Variants in SMYD3 observed in about 807,000 individuals in gnomAD.
SMYD3 encodes SET and MYND domain containing 3.
SMYD3 carries 36 observed loss-of-function variants against 57.7 expected under a neutral mutation model. The ratio of observed to expected loss-of-function variants is 0.62; its 90% CI spans 0.48 to 0.82. The LOEUF is 0.82. Ranked by LOEUF, SMYD3 falls within the 40% of genes least tolerant of loss-of-function variation. The pLI, the probability that SMYD3 is intolerant of heterozygous loss-of-function variation, is 0.00. For missense variants in SMYD3, 515 were observed against 538.8 expected, an observed-to-expected ratio of 0.96 and a Z score of 0.44; for synonymous variants, 211 against 195.0, an observed-to-expected ratio of 1.08 and a Z score of -0.68.
chr1:246,109,950 G>A (rs1255968892), intron 5 of SMYD3: 6 of 152,200 alleles, frequency 3.9e-5, no homozygotes, highest in Non-Finnish European at 8.8e-5. Context: ...TAGGAAGGCA[G>A]AATTATTTGA....
At chr1:246,305,727 G>A (rs954159488) in intron 5 of SMYD3, among the ~76,000 whole-genome samples, 9 of 151,900 alleles carry the variant, frequency 5.9e-5, no homozygotes, top group African/African-American at 2.2e-4. Flanking sequence ...CTAACATGAA[G>A]GAATAAAAAA....
chr1:246,341,004 A>G (rs2065625533), intron 2 of SMYD3, among the ~76,000 whole-genome samples: 1 of 152,170 alleles, frequency 6.6e-6, no homozygotes, highest in African/African-American at 2.4e-5. Context: ...GGAAAAAAAA[A>G]AGAATGCTCA....
chr1:246,109,347 G>C (rs538615123), intron 5 of SMYD3, among the ~76,000 whole-genome samples: 8 of 152,232 alleles, frequency 5.3e-5, no homozygotes, highest in Non-Finnish European at 8.8e-5. Flanking sequence ...CATATAACTG[G>C]ACCAGCTTAC....
intron 5 of SMYD3, among the ~76,000 whole-genome samples, chr1:246,301,245 G>A (rs547173000): frequency 6.6e-6 from 1 of 152,216 alleles, no homozygotes; most frequent in East Asian, 1.9e-4. Context: ...CTAGTCCCCA[G>A]GACACTTCCA....
At chr1:246,433,960 T>C (rs149179768) in intron 1 of SMYD3, among the ~76,000 whole-genome samples, 1 of 152,124 alleles carries the variant, frequency 6.6e-6, no homozygotes, top group East Asian at 1.9e-4. Flanking sequence ...AACCCAGAAA[T>C]AAAGCTGCAC....
intron 8 of SMYD3, among the ~76,000 whole-genome samples, chr1:245,901,735 C>T (rs2054195515): frequency 6.6e-6 from 1 of 152,190 alleles, no homozygotes; most frequent in Non-Finnish European, 1.5e-5. Flanking sequence ...ACAAAAGGGA[C>T]AGGGACTCTC....
At chr1:246,141,212 A>G (rs1226500937) in intron 5 of SMYD3, among the ~76,000 whole-genome samples, 1 of 151,920 alleles carries the variant, frequency 6.6e-6, no homozygotes, top group African/African-American at 2.4e-5. Flanking sequence ...TTGAACCCAA[A>G]AGTATCTGGC....
At chr1:246,479,726 G>A (rs1403767669) in intron 1 of SMYD3, among the ~76,000 whole-genome samples, 2 of 151,348 alleles carry the variant, frequency 1.3e-5, no homozygotes, top group African/African-American at 2.4e-5. Flanking sequence ...CAGGCTGGTC[G>A]TGAACTCCTG....
chr1:245,783,578 T>C (rs1361787958), intron 10 of SMYD3, among the ~76,000 whole-genome samples: 1 of 151,750 alleles, frequency 6.6e-6, no homozygotes, highest in Non-Finnish European at 1.5e-5. Flanking sequence ...TAACAGGATA[T>C]AGAATAGAAA....
At chr1:246,024,287 T>C (rs538954586) in intron 5 of SMYD3, among the ~76,000 whole-genome samples, 1 of 152,124 alleles carries the variant, frequency 6.6e-6, no homozygotes, top group Non-Finnish European at 1.5e-5. Context: ...AGGTTAAAGA[T>C]GTATTGGTGG....
chr1:245,805,624 A>T (rs1022611279), intron 10 of SMYD3, among the ~76,000 whole-genome samples: 1 of 152,238 alleles, frequency 6.6e-6, no homozygotes, highest in East Asian at 1.9e-4. Flanking sequence ...GGCACAGGAA[A>T]GGGATAGGTT....
chr1:246,103,855 G>GT (rs1364934488), intron 5 of SMYD3, among the ~76,000 whole-genome samples: 11 of 152,146 alleles, frequency 7.2e-5, no homozygotes, highest in African/African-American at 2.7e-4. Flanking sequence ...CAGGTGCTGT[G>GT]TGCCATCTCT....
At chr1:246,432,480 G>GT (rs1558462253) in intron 1 of SMYD3, among the ~76,000 whole-genome samples, 1 of 152,154 alleles carries the variant, frequency 6.6e-6, no homozygotes, top group African/African-American at 2.4e-5. Context: ...AGGAAATAAA[G>GT]TTTATCAAAA....
chr1:246,505,241 T>C (rs1032648398), intron 1 of SMYD3, among the ~76,000 whole-genome samples: 2 of 152,156 alleles, frequency 1.3e-5, no homozygotes, highest in African/African-American at 4.8e-5. Flanking sequence ...GGAAGTAGAG[T>C]GAGCCTGCCT....
rs536738797 is a variant in SMYD3 at position 246,004,117 on chromosome 1, G to A, written c.532-74180C>T. ...AGCCTACCGACTTCATAGGATTGCT[G>A]TGAGGATTAAATGGAAATCGGTACG... On this transcript the variant is annotated intron_variant, in intron 5 of 11. Coordinates refer to ENST00000490107, the MANE Select transcript of SMYD3 (RefSeq NM_001167740.2). Among the ~76,000 whole-genome samples, 19 of 152,318 alleles carry A rather than the reference G, an allele frequency of 1.2e-4. No individual in the cohort carries two copies. The East Asian group carries it at 3.5e-3, about 28-fold the overall frequency.
intron 5 of SMYD3, among the ~76,000 whole-genome samples, chr1:245,983,859 C>T (rs1335797413): frequency 1.3e-5 from 2 of 152,034 alleles, no homozygotes; most frequent in Non-Finnish European, 2.9e-5. Flanking sequence ...TGAGAAAGGG[C>T]CAGGAGGAAG....
chr1:245,808,767 T>A (rs559590289), intron 10 of SMYD3, among the ~76,000 whole-genome samples: 100 of 152,190 alleles, frequency 6.6e-4, no homozygotes, highest in African/African-American at 2.3e-3. Flanking sequence ...CTTTTTTTTT[T>A]AGTTTTTATT....
intron 5 of SMYD3, among the ~76,000 whole-genome samples, chr1:245,980,207 C>A (rs938674291): frequency 6.6e-6 from 1 of 152,250 alleles, no homozygotes; most frequent in African/African-American, 2.4e-5. Context: ...CCTTACTGTG[C>A]ATGATTTTTC....
chr1:245,832,195 T>C (rs1444003087), intron 10 of SMYD3, among the ~76,000 whole-genome samples: 1 of 152,232 alleles, frequency 6.6e-6, no homozygotes, highest in Non-Finnish European at 1.5e-5. Context: ...GGCTCGTTTA[T>C]ATAATGAGTG....
Sources: allele counts gnomAD v4.1 joint callset (sites outside exome capture counted in the v4.1 genomes callset), GRCh38; gene constraint gnomAD v4.1.1; transcripts MANE v1.5; gene names NCBI Gene and HGNC (gene_info 2026-07-23, HGNC 2026-07-21).